The following ARHGEF10 variants were observed in gnomAD, a reference collection of about 807,000 sequenced individuals.
The protein encoded by ARHGEF10 is Rho guanine nucleotide exchange factor (GEF) 10.
A neutral mutation model predicts 147.4 loss-of-function variants in ARHGEF10; 140 were observed. The ratio of observed to expected loss-of-function variants is 0.95; its 90% CI spans 0.83 to 1.09. The LOEUF (loss-of-function observed/expected upper bound fraction) is 1.09, where lower values mean the gene tolerates loss of function less well. ARHGEF10 is among the 50% of genes least tolerant of loss of function. The probability of loss-of-function intolerance (pLI) is 0.00; values close to 1 mark genes in which losing one functional copy is unlikely to be tolerated. For missense variants in ARHGEF10, 2,222 were observed against 1,752.7 expected (o/e 1.27, Z -4.78); for synonymous variants, 902 against 695.8 (o/e 1.30, Z -4.67).
chr8:1,901,585 A>G (rs979359436), intron 15 of ARHGEF10, among the ~76,000 whole-genome samples: 1 of 152,264 alleles, frequency 6.6e-6, no homozygotes, highest in Admixed American at 6.5e-5. Flanking sequence ...AGCAGCGAGA[A>G]ACTTCACTTT....
At chr8:1,929,207 T>C in intron 24 of ARHGEF10, 79 bp from the exon 25 acceptor site, 1 of 1,469,642 alleles carries the variant, frequency 6.8e-7, no homozygotes, top group South Asian at 1.1e-5. Context: ...GTTGAAATGT[T>C]TGTGTTTATG....
rs114173076 is a variant in ARHGEF10 at position 1,840,646 on chromosome 8, G to A, written c.-47-2707G>A. 2.7e-3 allele frequency among the ~76,000 whole-genome samples: 415 copies of A among 151,708 alleles called. 4 individuals carry two copies. The highest frequency in any genetic ancestry group is 9.3e-3 in the African/African-American group (384 of 41,306). Reference sequence around the variant, plus strand: ...TCTGGTTTGGGGACTGTCCGACGTGGGGACTGTCCGGTGTGGGGACTGTCC... The same window carrying A: ...TCTGGTTTGGGGACTGTCCGACGTGAGGACTGTCCGGTGTGGGGACTGTCC... On this transcript the variant is annotated intron_variant, in intron 1 of 28. Coordinates refer to ENST00000349830, the MANE Select transcript of ARHGEF10 (RefSeq NM_014629.4).
chr8:1,840,494 C>G (rs1803941304), intron 1 of ARHGEF10, among the ~76,000 whole-genome samples: 1 of 144,136 alleles, frequency 6.9e-6, no homozygotes, highest in Non-Finnish European at 1.5e-5. Context: ...TGGAAGCTGT[C>G]CGGTGTGGGG....
chr8:1,832,949 CAGAGGCAGAGGCAGATACAG>C (rs1803292412), intron 1 of ARHGEF10, among the ~76,000 whole-genome samples: 1 of 36,016 alleles, frequency 2.8e-5, no homozygotes, highest in East Asian at 7.5e-4. Context: ...GAAGCAGAGA[CAGAGGCAGAGGCAGATACAG>C]AGGCAGAGAG....
At chr8:1,931,848 A>G (rs980189375) in intron 25 of ARHGEF10, among the ~76,000 whole-genome samples, 9 of 152,236 alleles carry the variant, frequency 5.9e-5, no homozygotes, top group Non-Finnish European at 1.0e-4. Context: ...CACAGGGAGA[A>G]GTCATCCCAA....
At chr8:1,833,708 G>C (rs1803410694) in intron 1 of ARHGEF10, among the ~76,000 whole-genome samples, 1 of 152,174 alleles carries the variant, frequency 6.6e-6, no homozygotes, top group Non-Finnish European at 1.5e-5. Context: ...GGCCCAGCTT[G>C]TTTCCTGAAC....
chr8:1,885,507 A>G (rs1808578245), intron 10 of ARHGEF10, 94 bp from the exon 11 acceptor site: 2 of 905,620 alleles, frequency 2.2e-6, no homozygotes, highest in Admixed American at 2.0e-5. Context: ...AAAGGTCTAC[A>G]CAAAATATTT....
At position 1,880,263 on chromosome 8, in the gene ARHGEF10, C is replaced by G. The variant is rs191030405; in HGVS notation, c.960+99C>G. 2.9e-4 allele frequency: 243 copies of G among 843,228 alleles called. 1 individual carries two copies. In the African/African-American group the frequency reaches 3.6e-3, roughly 13 times the overall value. 52.2% of individuals were successfully genotyped at this position (843,228 alleles called of 1,614,324 possible). A position where few individuals can be genotyped will look rare whatever the true frequency, so the allele number is the denominator to read the frequency against. On this transcript the variant is annotated intron_variant, in intron 9 of 28. Transcript: ENST00000349830. Reference sequence around the variant, plus strand: ...TCCTTGCTGTCTCAACAGCGGTTCTCAAAGGGTGGTCCGGGGCTCCTGGAA... The same window carrying G: ...TCCTTGCTGTCTCAACAGCGGTTCTGAAAGGGTGGTCCGGGGCTCCTGGAA...
chr8:1,854,679 C>G (rs1388949229), intron 2 of ARHGEF10, among the ~76,000 whole-genome samples: 1 of 152,090 alleles, frequency 6.6e-6, no homozygotes, highest in Non-Finnish European at 1.5e-5. Flanking sequence ...TTTGATTTCC[C>G]TTGTATAGTA....
chr8:1,910,960 T>C (rs1811311700), intron 18 of ARHGEF10, among the ~76,000 whole-genome samples: 1 of 152,214 alleles, frequency 6.6e-6, no homozygotes, highest in African/African-American at 2.4e-5. Context: ...CTAACTTAGA[T>C]TGATTCAGTT....
At chr8:1,869,648 TAA>T in intron 7 of ARHGEF10, 1 of 324,566 alleles carries the variant, frequency 3.1e-6, no homozygotes, top group Non-Finnish European at 5.9e-6. Context: ...AAGAAAAACA[TAA>T]ATTCTCAGAT....
chr8:1,912,005 A>G (rs1263414237), intron 18 of ARHGEF10, among the ~76,000 whole-genome samples: 1 of 152,214 alleles, frequency 6.6e-6, no homozygotes, highest in Non-Finnish European at 1.5e-5. Flanking sequence ...TGCTGCTTGA[A>G]TGACTGTTCT....
At chr8:1,854,973 C>G (rs1363243396) in intron 2 of ARHGEF10, among the ~76,000 whole-genome samples, 1 of 152,064 alleles carries the variant, frequency 6.6e-6, no homozygotes, top group Non-Finnish European at 1.5e-5. Context: ...GTGTCACAGC[C>G]CAGGAGGTGG....
chr8:1,860,816 T>G (rs1468917169), intron 4 of ARHGEF10, among the ~76,000 whole-genome samples: 1 of 152,082 alleles, frequency 6.6e-6, no homozygotes, highest in East Asian at 1.9e-4. Context: ...GTCACCTGCT[T>G]GTCTATAGAC....
intron 24 of ARHGEF10, 109 bp downstream of exon 24, chr8:1,928,759 G>A (rs1427545203): frequency 1.3e-5 from 17 of 1,284,486 alleles, no homozygotes; most frequent in Middle Eastern, 2.6e-4. Context: ...GGAGTAGCCC[G>A]TGCAGGAATT....
At chr8:1,853,369 G>A (rs748047112) in intron 2 of ARHGEF10, among the ~76,000 whole-genome samples, 18 of 152,254 alleles carry the variant, frequency 1.2e-4, no homozygotes, top group Admixed American at 6.5e-4. Context: ...TGTGTCCAGC[G>A]AATGACGGCT....
At chr8:1,880,275 C>A in intron 9 of ARHGEF10, 111 bp downstream of exon 9, 1 of 771,254 alleles carries the variant, frequency 1.3e-6, no homozygotes, top group Non-Finnish European at 2.3e-6. Flanking sequence ...AAGGGTGGTC[C>A]GGGGCTCCTG....
chr8:1,894,497 A>G lies in ARHGEF10; in HGVS notation c.1365A>G (p.Leu455=), dbSNP rs527497383. The G allele has an allele frequency of 7.4e-6, 12 of 1,614,164 alleles. No individual in the cohort carries two copies. In the South Asian group the frequency reaches 1.3e-4, roughly 18 times the overall value. ...AAGAGATCCTGCAGTGCCACTCGCT[A>G]TTTCAGATCGCGCTGGCCAGCCGCG... ...RVKEILQCHS[L]FQIALASRVS... Residue 455 remains leucine, a synonymous_variant, in exon 13 of 29, where the codon CTA becomes CTG. Transcript: ENST00000349830.
chr8:1,922,075 G>T (rs1267349277), intron 18 of ARHGEF10, among the ~76,000 whole-genome samples: 2 of 152,110 alleles, frequency 1.3e-5, no homozygotes, highest in African/African-American at 4.8e-5. Flanking sequence ...CAGATGGGGA[G>T]ATGGGGGAAT....
Sources: gnomAD v4.1 joint callset for allele counts (sites outside exome capture counted in the v4.1 genomes callset) on GRCh38, gnomAD v4.1.1 for gene constraint, MANE v1.5 for transcripts, NCBI Gene and HGNC (gene_info 2026-07-23, HGNC 2026-07-21) for gene names.